Variants in PIGN observed in about 807,000 individuals in gnomAD.
PIGN encodes GPI ethanolamine phosphate transferase 1.
Under a neutral mutation model 125.4 loss-of-function variants are expected in PIGN, and 117 were observed. That is an observed-to-expected ratio of 0.93 (90% CI 0.80 to 1.09). PIGN has a LOEUF of 1.09. Among genes scored for constraint, PIGN ranks in the 50% least tolerant of loss-of-function variants. PIGN has a pLI of 0.00. For missense variants in PIGN, 1,075 were observed against 1,094.9 expected, an observed-to-expected ratio of 0.98 and a Z score of 0.26; for synonymous variants, 392 against 377.8, an observed-to-expected ratio of 1.04 and a Z score of -0.44.
chr18:62,076,470 A>T (rs1215414904), intron 28 of PIGN, among the ~76,000 whole-genome samples: 9 of 151,750 alleles, frequency 5.9e-5, no homozygotes, highest in Non-Finnish European at 4.4e-5. Flanking sequence ...CTCTTACTAG[A>T]GTCTTTCACA....
intron 30 of PIGN, among the ~76,000 whole-genome samples, chr18:62,072,068 G>GA (rs1180218851): frequency 6.7e-6 from 1 of 148,948 alleles, no homozygotes; most frequent in African/African-American, 2.4e-5. Flanking sequence ...AGGCCTAGGT[G>GA]AATGTGTGTG....
intron 1 of PIGN, among the ~76,000 whole-genome samples, chr18:62,176,962 A>G: frequency 1.6e-5 from 1 of 63,964 alleles, no homozygotes. Context: ...TTTTTAAATA[A>G]AAAGTAAAAA....
chr18:62,172,935 G>A (rs2037390214), intron 1 of PIGN, among the ~76,000 whole-genome samples: 1 of 152,034 alleles, frequency 6.6e-6, no homozygotes, highest in African/African-American at 2.4e-5. Context: ...AGTATTATGG[G>A]AAATAAGTAG....
chr18:62,175,054 T>TTA (rs1389565951), intron 1 of PIGN, among the ~76,000 whole-genome samples: 1 of 134,222 alleles, frequency 7.5e-6, no homozygotes, highest in East Asian at 2.2e-4. Context: ...AATATATATT[T>TTA]TTATATATAA....
chr18:62,178,391 G>A (rs567239266), intron 1 of PIGN, among the ~76,000 whole-genome samples: 2 of 151,712 alleles, frequency 1.3e-5, no homozygotes, highest in Non-Finnish European at 2.9e-5. Context: ...ATAAACCACC[G>A]TACTCTGCCA....
intron 30 of PIGN, among the ~76,000 whole-genome samples, chr18:62,071,863 C>CATTTATATATATAT (rs2032871288): frequency 2.6e-5 from 2 of 77,606 alleles, no homozygotes; most frequent in African/African-American, 4.6e-5. Context: ...ACTCCTTTTC[C>CATTTATATATATAT]ATATATATAT....
At chr18:62,130,518 T>C (rs879539478) in intron 14 of PIGN, among the ~76,000 whole-genome samples, 10 of 143,258 alleles carry the variant, frequency 7.0e-5, no homozygotes, top group Non-Finnish European at 1.6e-4. Context: ...AAAGAATCTA[T>C]AAACATGTCA....
intron 30 of PIGN, among the ~76,000 whole-genome samples, chr18:62,066,501 G>C (rs1359028045): frequency 1.3e-5 from 2 of 152,226 alleles, no homozygotes; most frequent in Non-Finnish European, 2.9e-5. Flanking sequence ...ATTTTTGGTA[G>C]ATGTGTGACC....
At chr18:62,057,313 G>T (rs1167955153) in intron 30 of PIGN, among the ~76,000 whole-genome samples, 1 of 152,014 alleles carries the variant, frequency 6.6e-6, no homozygotes, top group Non-Finnish European at 1.5e-5. Flanking sequence ...TCCTCCTAGA[G>T]CTTTCTCCAG....
chr18:62,077,161 T>G (rs2145812696), intron 28 of PIGN, among the ~76,000 whole-genome samples: 1 of 152,312 alleles, frequency 6.6e-6, no homozygotes, highest in South Asian at 2.1e-4. Context: ...GTGAATTGCT[T>G]GAGGCCAGGA....
chr18:62,033,117 T>C (rs1420348631), intron 23 of PIGN, among the ~76,000 whole-genome samples: 1 of 152,188 alleles, frequency 6.6e-6, no homozygotes, highest in South Asian at 2.1e-4. Flanking sequence ...TTGGATGCCA[T>C]AGCTAGTGTC....
chr18:62,054,035 C>A (rs1298452394), intron 30 of PIGN, among the ~76,000 whole-genome samples: 5 of 151,980 alleles, frequency 3.3e-5, no homozygotes, highest in Admixed American at 6.5e-5. Flanking sequence ...ATAAAAAAAA[C>A]AGATTGAATG....
At chr18:62,175,693 G>A (rs181439442) in intron 1 of PIGN, among the ~76,000 whole-genome samples, 1 of 152,286 alleles carries the variant, frequency 6.6e-6, no homozygotes, top group East Asian at 1.9e-4. Context: ...TAGAATATAA[G>A]CTAGAATGAA....
chr18:62,163,799 A>T (rs2037037234), intron 1 of PIGN, 143 bp from the exon 2 acceptor site: 1 of 152,206 alleles, frequency 6.6e-6, no homozygotes, highest in Admixed American at 6.5e-5. Flanking sequence ...ATCTTACAAA[A>T]CTGCAATTCT....
chr18:62,031,298 C>T (rs899439814), intron 23 of PIGN, among the ~76,000 whole-genome samples: 1 of 152,206 alleles, frequency 6.6e-6, no homozygotes, highest in Non-Finnish European at 1.5e-5. Context: ...GAACTGTGAG[C>T]TCTTTCCTTT....
At chr18:62,084,636 T>C (rs916056703) in intron 26 of PIGN, 30 bp from the exon 27 acceptor site, 2 of 1,284,602 alleles carry the variant, frequency 1.6e-6, no homozygotes, top group Non-Finnish European at 2.2e-6. Flanking sequence ...AAAAAGAATT[T>C]AGAATTCACT....
intron 30 of PIGN, among the ~76,000 whole-genome samples, chr18:62,066,502 A>T (rs1230457138): frequency 6.6e-6 from 1 of 152,202 alleles, no homozygotes; most frequent in African/African-American, 2.4e-5. Flanking sequence ...TTTTTGGTAG[A>T]TGTGTGACCA....
intron 30 of PIGN, chr18:62,053,097 G>A (rs9966853): frequency 0.6 from 160,381 of 267,008 alleles, 49,454 homozygotes; most frequent in East Asian, 0.74. Flanking sequence ...TAGCTGATGT[G>A]AAAATTCTAA....
intron 23 of PIGN, among the ~76,000 whole-genome samples, chr18:62,033,668 A>G (rs1442427289): frequency 2.6e-5 from 4 of 152,010 alleles, no homozygotes; most frequent in African/African-American, 9.7e-5. Flanking sequence ...TTCTTGGCAC[A>G]TCAGTTTTCC....
Sources: allele counts gnomAD v4.1 joint callset (sites outside exome capture counted in the v4.1 genomes callset), GRCh38; gene constraint gnomAD v4.1.1; transcripts MANE v1.5; gene names NCBI Gene and HGNC (gene_info 2026-07-23, HGNC 2026-07-21).